The following IQSEC2 variants were observed in gnomAD, a reference collection of about 807,000 sequenced individuals.
The protein encoded by IQSEC2 is IQ motif and Sec7 domain ArfGEF 2.
Under a neutral mutation model 74.6 loss-of-function variants are expected in IQSEC2, and 6 were observed. The ratio of observed to expected loss-of-function variants is 0.08; its 90% CI spans 0.04 to 0.16. The LOEUF (loss-of-function observed/expected upper bound fraction) is 0.16. Ranked by LOEUF, IQSEC2 falls within the 10% of genes least tolerant of loss-of-function variation. The pLI, the probability that IQSEC2 is intolerant of heterozygous loss-of-function variation, is 1.00. For missense variants in IQSEC2, 734 were observed against 1,306.2 expected (o/e 0.56, Z 6.75); for synonymous variants, 494 against 544.5 (o/e 0.91, Z 1.29).
chrX:53,316,812 C>T (rs1556879181), intron 1 of IQSEC2, among the ~76,000 whole-genome samples: 1 of 106,422 alleles, frequency 9.4e-6, no homozygotes, highest in African/African-American at 3.5e-5. Flanking sequence ...AGACCCCTGT[C>T]CCAAAAACAA....
At chrX:53,301,707 G>A (rs1322986847) in intron 1 of IQSEC2, among the ~76,000 whole-genome samples, 1 of 111,674 alleles carries the variant, frequency 9.0e-6, no homozygotes, top group Non-Finnish European at 1.9e-5. Flanking sequence ...AAGTGTGGAG[G>A]GCCAAGGGCT....
In IQSEC2 at chrX:53,233,529, G is replaced by A. The variant is rs1327263532; in HGVS notation, c.*690C>T. On this transcript the variant is annotated 3_prime_UTR_variant, in exon 15 of 15. Transcript: ENST00000642864. Reference sequence around the variant, plus strand: ...GATCAGGATAAGAACGTTGCAGGGCGAGGCAAGTTCCTGAAGCCGAAGAGG... The same window carrying A: ...GATCAGGATAAGAACGTTGCAGGGCAAGGCAAGTTCCTGAAGCCGAAGAGG... 1.4e-5 allele frequency: 2 copies of A among 144,109 alleles called. No homozygotes were observed. Among genetic ancestry groups the A allele is most frequent in the East Asian group, 1.6e-4 (1 of 6,157 alleles). The allele number at this position is 144,109 out of a possible 1,213,427, so 11.9% of individuals were successfully genotyped here. A position where few individuals can be genotyped will look rare whatever the true frequency, so the allele number is the denominator to read the frequency against.
chrX:53,233,829 G>C lies in IQSEC2; in HGVS notation c.*390C>G. 1.3e-5 allele frequency: 4 copies of C among 298,217 alleles called. No individual in the cohort carries two copies. The Admixed American group carries it at 1.8e-4, about 14-fold the overall frequency. 24.6% of individuals were successfully genotyped at this position (298,217 alleles called of 1,213,427 possible). On this transcript the variant is annotated 3_prime_UTR_variant, in exon 15 of 15. Coordinates refer to ENST00000642864, the MANE Select transcript of IQSEC2 (RefSeq NM_001111125.3). ...GGAAGCCTTCACCCCGACAGCTCCG[G>C]ACACCTGCCCTTCTCCGCCAGCCAG... is the stretch of plus-strand genomic sequence containing the variant.
rs1350468363 is a variant in IQSEC2 at position 53,233,129 on chromosome X, G to A, written c.*1090C>T. The A allele has an allele frequency of 9.0e-6, 1 of 111,696 alleles. No individual in the cohort carries two copies. The highest frequency in any genetic ancestry group is 1.9e-5 in the Non-Finnish European group (1 of 53,077). The allele number at this position is 111,696 out of a possible 1,213,427, so 9.2% of individuals were successfully genotyped here. On this transcript the variant is annotated 3_prime_UTR_variant, in exon 15 of 15. Coordinates refer to ENST00000642864, the MANE Select transcript of IQSEC2 (RefSeq NM_001111125.3). ...CTGGATATGCGGGGCAAGAAGAGGAGCTGGGGCTTGTAAAAAATATATTTA... is the reference window on the plus strand; with the variant it reads ...CTGGATATGCGGGGCAAGAAGAGGAACTGGGGCTTGTAAAAAATATATTTA...
intron 2 of IQSEC2, chrX:53,281,563 G>A (rs377356662): frequency 6.0e-5 from 68 of 1,142,535 alleles, no homozygotes; most frequent in East Asian, 3.7e-4. Context: ...TGGCCTAGCC[G>A]GTGTCTCCAC....
At chrX:53,275,160 CT>C (rs1189153076) in intron 2 of IQSEC2, among the ~76,000 whole-genome samples, 1 of 109,326 alleles carries the variant, frequency 9.1e-6, no homozygotes, top group Non-Finnish European at 1.9e-5. Flanking sequence ...ACTTTTATGG[CT>C]TTTTTTTTCT....
At chrX:53,267,081 C>G in intron 2 of IQSEC2, 1 of 1,145,209 alleles carries the variant, frequency 8.7e-7, no homozygotes, top group African/African-American at 1.8e-5. Context: ...CCAGGAAGGG[C>G]GGGGTAGAGG....
In IQSEC2 at chrX:53,250,516, GCTGCCTCGCACTTCC is replaced by G. The variant is rs2074368815; in HGVS notation, c.2045_2059del (p.Gly682_Ala686del). The G allele has an allele frequency of 8.3e-7, 1 of 1,210,319 alleles. No individual in the cohort carries two copies. Among genetic ancestry groups the G allele is most frequent in the South Asian group, 1.8e-5 (1 of 56,837 alleles). ...ATCTCCACCATCAGAGTTCTCGCCT[GCTGCCTCGCACTTCC>G]CCAACCTCCGACCCCCAGCCACACC... is the stretch of plus-strand genomic sequence containing the variant. On this transcript the variant is annotated inframe_deletion, in exon 5 of 15. Transcript: ENST00000642864.
intron 1 of IQSEC2, among the ~76,000 whole-genome samples, chrX:53,304,525 A>C (rs1316261772): frequency 4.4e-5 from 5 of 112,515 alleles, no homozygotes; most frequent in Non-Finnish European, 9.4e-5. Context: ...GATGACAATG[A>C]TGAGGAAGAC....
At chrX:53,269,948 A>ACGCGTTGGTTTCCCCTTC (rs1803631216) in intron 2 of IQSEC2, among the ~76,000 whole-genome samples, 1 of 107,250 alleles carries the variant, frequency 9.3e-6, no homozygotes, top group Non-Finnish European at 1.9e-5. Context: ...CTCCTTCCCT[A>ACGCGTTGGTTTCCCCTTC]CGCGTTGGTT....
chrX:53,312,149 G>A (rs1404815216), intron 1 of IQSEC2, among the ~76,000 whole-genome samples: 1 of 110,587 alleles, frequency 9.0e-6, no homozygotes. Flanking sequence ...GCTCATGCTG[G>A]CCCCTCTGCC....
intron 2 of IQSEC2, among the ~76,000 whole-genome samples, chrX:53,257,398 C>T (rs782129829): frequency 1.5e-3 from 167 of 112,420 alleles, no homozygotes; most frequent in Non-Finnish European, 1.3e-3. Flanking sequence ...AGCTCGGCTC[C>T]GCCCTGGGGA....
At position 53,241,859 on chromosome X, in the gene IQSEC2, C is replaced by T. The variant is rs1052517256; in HGVS notation, c.2940G>A (p.Glu980=). Residue 980 remains glutamate, a synonymous_variant, in exon 10 of 15, where the codon GAG becomes GAA. Transcript: ENST00000642864. ...TCTGGGGGCGGTTTGGATCTGGCAC[C>T]TCGTAGAGCTGGCAGCAGCAAACCA... ...RRLVCCCQLY[E]VPDPNRPQRL... 1.9e-5 allele frequency: 23 copies of T among 1,209,069 alleles called. No homozygotes were observed. Among genetic ancestry groups the T allele is most frequent in the Non-Finnish European group, 2.2e-5 (20 of 894,690 alleles).
chrX:53,237,780 C>T (rs41308050), intron 12 of IQSEC2: 4,183 of 235,232 alleles, frequency 0.018, 41 homozygotes, highest in Middle Eastern at 0.031. Context: ...ACCCCAATTT[C>T]GTATAGGAAG....
At chrX:53,277,436 G>T (rs1234210846) in intron 2 of IQSEC2, among the ~76,000 whole-genome samples, 3 of 109,876 alleles carry the variant, frequency 2.7e-5, no homozygotes, top group Non-Finnish European at 5.7e-5. Flanking sequence ...GGCCAGGGTG[G>T]TCTTGAATGC....
chrX:53,303,799 TA>T (rs782516827), intron 1 of IQSEC2, among the ~76,000 whole-genome samples: 226 of 94,327 alleles, frequency 2.4e-3, no homozygotes, highest in Admixed American at 3.0e-3. Context: ...AAACTCCATC[TA>T]AAAAAAAAAA....
At position 53,233,989 on chromosome X, in the gene IQSEC2, A is replaced by C. The variant is rs1188586382; in HGVS notation, c.*230T>G. On this transcript the variant is annotated 3_prime_UTR_variant, in exon 15 of 15. Transcript: ENST00000642864. ...GGCCCTCACCACTCCCCAGCGCTGG[A>C]GCACCCTGAGTCCAGGCTTCAAGTG... The C allele has an allele frequency of 3.3e-6, 1 of 299,968 alleles. No individual in the cohort carries two copies. The highest frequency in any genetic ancestry group is 5.8e-6 in the Non-Finnish European group (1 of 172,532). 24.7% of individuals were successfully genotyped at this position (299,968 alleles called of 1,213,427 possible).
chrX:53,243,212 T>C, intron 9 of IQSEC2, 120 bp downstream of exon 9: 1 of 549,837 alleles, frequency 1.8e-6, no homozygotes. Flanking sequence ...GAATGCATTA[T>C]CACCCACTCT....
chrX:53,253,158 A>G (rs2074416935), intron 4 of IQSEC2, among the ~76,000 whole-genome samples: 1 of 112,298 alleles, frequency 8.9e-6, no homozygotes, highest in Non-Finnish European at 1.9e-5. Flanking sequence ...TTTCTCTTAT[A>G]AAGCTTCTTC....
Sources: gnomAD v4.1 joint callset for allele counts (sites outside exome capture counted in the v4.1 genomes callset) on GRCh38, gnomAD v4.1.1 for gene constraint, MANE v1.5 for transcripts, NCBI Gene and HGNC (gene_info 2026-07-23, HGNC 2026-07-21) for gene names.